Variants in GPC5 observed in about 807,000 individuals in gnomAD.
GPC5 encodes the protein glypican 5.
GPC5 carries 47 observed loss-of-function variants against 53.9 expected under a neutral mutation model. The ratio of observed to expected loss-of-function variants is 0.87; its 90% CI spans 0.69 to 1.11. The LOEUF is 1.11. GPC5 is among the 50% of genes most tolerant of loss of function. The pLI is 0.00. For synonymous variants in GPC5, 286 were observed against 263.3 expected (o/e 1.09, Z -0.84); for missense variants, 748 against 713.1 (o/e 1.05, Z -0.56).
chr13:91,531,486 A>G (rs1055005471), intron 2 of GPC5, among the ~76,000 whole-genome samples: 2 of 152,196 alleles, frequency 1.3e-5, no homozygotes, highest in African/African-American at 2.4e-5. Flanking sequence ...AAGGAAAGAT[A>G]CTTTTTAGTA....
intron 6 of GPC5, among the ~76,000 whole-genome samples, chr13:92,096,405 G>GT (rs777672740): frequency 3.9e-5 from 6 of 152,166 alleles, no homozygotes; most frequent in Admixed American, 1.3e-4. Flanking sequence ...TCCCTCATTG[G>GT]TTTTCTCCCA....
At position 92,678,151 on chromosome 13, in the gene GPC5, A is replaced by G. The variant is rs571782313; in HGVS notation, c.1562-188131A>G. On this transcript the variant is annotated intron_variant, in intron 7 of 7. Transcript: ENST00000377067. ...AATGTTCAATGTATGTTTGTTTTAT[A>G]TCCAACACTTTTTAAGGAATTAGGA... 8.5e-5 allele frequency among the ~76,000 whole-genome samples: 13 copies of G among 152,316 alleles called. No individual in the cohort carries two copies. In the South Asian group the frequency reaches 2.7e-3, roughly 32 times the overall value.
At chr13:92,729,117 ACT>A (rs1888729526) in intron 7 of GPC5, among the ~76,000 whole-genome samples, 1 of 151,234 alleles carries the variant, frequency 6.6e-6, no homozygotes, top group African/African-American at 2.4e-5. Flanking sequence ...CTTCACTTGG[ACT>A]GCCCTTCTCC....
intron 6 of GPC5, among the ~76,000 whole-genome samples, chr13:92,109,060 G>GGT (rs1402317199): frequency 6.6e-5 from 8 of 121,124 alleles, no homozygotes; most frequent in African/African-American, 2.1e-4. Flanking sequence ...TCAATATGTT[G>GGT]GTTTTTTTTT....
At chr13:92,032,840 C>G (rs1018719256) in intron 6 of GPC5, among the ~76,000 whole-genome samples, 1 of 152,172 alleles carries the variant, frequency 6.6e-6, no homozygotes, top group Admixed American at 6.5e-5. Context: ...CATTCTCTGC[C>G]CATCTGTCAC....
At chr13:92,283,584 A>G (rs927741620) in intron 7 of GPC5, among the ~76,000 whole-genome samples, 1 of 152,222 alleles carries the variant, frequency 6.6e-6, no homozygotes, top group African/African-American at 2.4e-5. Context: ...CAGGATTAAG[A>G]AACTCCCTCA....
chr13:91,764,776 G>A (rs2037488954), intron 5 of GPC5, among the ~76,000 whole-genome samples: 6 of 152,152 alleles, frequency 3.9e-5, no homozygotes, highest in Admixed American at 3.9e-4. Context: ...TGTGCTTGTA[G>A]TTGGCAGGTT....
chr13:92,703,023 C>T (rs1279546496), intron 7 of GPC5, among the ~76,000 whole-genome samples: 1 of 151,042 alleles, frequency 6.6e-6, no homozygotes, highest in Non-Finnish European at 1.5e-5. Context: ...CACCCTTATA[C>T]TCCTCATCCC....
chr13:92,843,332 G>A (rs1878496224), intron 7 of GPC5, among the ~76,000 whole-genome samples: 1 of 152,050 alleles, frequency 6.6e-6, no homozygotes. Context: ...AATTCGCTGA[G>A]CATTTAGCAA....
chr13:92,733,100 G>C (rs551016509), intron 7 of GPC5, among the ~76,000 whole-genome samples: 2 of 151,722 alleles, frequency 1.3e-5, no homozygotes, highest in East Asian at 3.9e-4. Flanking sequence ...TCTCACTAAT[G>C]ACAGATATCA....
At chr13:91,856,254 GT>G (rs2038965571) in intron 5 of GPC5, among the ~76,000 whole-genome samples, 1 of 151,508 alleles carries the variant, frequency 6.6e-6, no homozygotes, top group Non-Finnish European at 1.5e-5. Context: ...GTTTTTCAAA[GT>G]TTCTGCTACT....
intron 7 of GPC5, among the ~76,000 whole-genome samples, chr13:92,271,316 T>C (rs541597207): frequency 6.6e-6 from 1 of 152,354 alleles, no homozygotes; most frequent in Non-Finnish European, 1.5e-5. Context: ...GAAGGAGAAC[T>C]ACCTGTTACT....
At chr13:92,340,956 A>G (rs905146551) in intron 7 of GPC5, among the ~76,000 whole-genome samples, 1 of 152,184 alleles carries the variant, frequency 6.6e-6, no homozygotes, top group Non-Finnish European at 1.5e-5. Flanking sequence ...CCACTAAAGC[A>G]GCAAAGGAGT....
chr13:91,611,726 G>A (rs1329287211), intron 2 of GPC5, among the ~76,000 whole-genome samples: 4 of 152,138 alleles, frequency 2.6e-5, no homozygotes, highest in African/African-American at 7.2e-5. Flanking sequence ...ACTGTCACCA[G>A]AAACCCTACA....
chr13:91,976,537 G>A (rs980951709), intron 6 of GPC5, among the ~76,000 whole-genome samples: 1 of 152,180 alleles, frequency 6.6e-6, no homozygotes, highest in African/African-American at 2.4e-5. Flanking sequence ...TAAGCTGTGG[G>A]AAAACAGGAA....
In GPC5 at chr13:92,328,346, A is replaced by G. The variant is rs76755318; in HGVS notation, c.1561+183357A>G. 1.5e-3 allele frequency among the ~76,000 whole-genome samples: 226 copies of G among 152,278 alleles called. 4 individuals are homozygous for G. In the East Asian group the frequency reaches 0.036, roughly 25 times the overall value. On this transcript the variant is annotated intron_variant, in intron 7 of 7. Coordinates refer to ENST00000377067, the MANE Select transcript of GPC5 (RefSeq NM_004466.6). ...AGATAGGGAGTTCCCAAAAGGGAGA[A>G]AAATGCAAACAAACAGAACCAGATA...
At chr13:91,551,043 G>A (rs1248334507) in intron 2 of GPC5, among the ~76,000 whole-genome samples, 2 of 152,052 alleles carry the variant, frequency 1.3e-5, no homozygotes, top group African/African-American at 2.4e-5. Flanking sequence ...AATACATCTA[G>A]TTTTCTCATT....
At chr13:92,116,523 G>A (rs981544727) in intron 6 of GPC5, among the ~76,000 whole-genome samples, 9 of 152,186 alleles carry the variant, frequency 5.9e-5, no homozygotes, top group Admixed American at 2.0e-4. Context: ...GCTGCTGTAC[G>A]CATTTGTGTA....
chr13:92,741,391 G>T (rs1297465327), intron 7 of GPC5, among the ~76,000 whole-genome samples: 2 of 151,882 alleles, frequency 1.3e-5, no homozygotes, highest in Non-Finnish European at 2.9e-5. Context: ...CTGGGACTCT[G>T]CAGAGAGTCC....
Sources: gnomAD v4.1 joint callset for allele counts (sites outside exome capture counted in the v4.1 genomes callset) on GRCh38, gnomAD v4.1.1 for gene constraint, MANE v1.5 for transcripts, NCBI Gene and HGNC (gene_info 2026-07-23, HGNC 2026-07-21) for gene names.